Variants in CBLN2 observed in about 807,000 individuals in gnomAD.
CBLN2 encodes the protein cerebellin 2 precursor.
A neutral mutation model predicts 15.0 loss-of-function variants in CBLN2; 7 were observed. The observed-to-expected ratio is 0.47, with a 90% CI of 0.27 to 0.88. CBLN2 has a LOEUF of 0.88. Among genes scored for constraint, CBLN2 ranks in the 40% least tolerant of loss-of-function variants. The pLI, the probability that CBLN2 is intolerant of heterozygous loss-of-function variation, is 0.14. For missense variants in CBLN2, 242 were observed against 304.5 expected (o/e 0.79, Z 1.53); for synonymous variants, 149 against 135.2 (o/e 1.10, Z -0.71).
intron 1 of CBLN2, among the ~76,000 whole-genome samples, chr18:72,617,783 CAT>C (rs1316649257): frequency 6.6e-6 from 1 of 152,062 alleles, no homozygotes; most frequent in Non-Finnish European, 1.5e-5. Context: ...GTTGTGAAAA[CAT>C]ATAATCTGTA....
At chr18:72,615,268 T>TTA (rs1172288214) in intron 1 of CBLN2, among the ~76,000 whole-genome samples, 642 of 42,980 alleles carry the variant, frequency 0.015, 6 homozygotes, top group Non-Finnish European at 0.027. Context: ...TATGTATATA[T>TTA]TATATATATA....
chr18:72,615,782 G>A (rs981395265), intron 1 of CBLN2, among the ~76,000 whole-genome samples: 10 of 152,096 alleles, frequency 6.6e-5, no homozygotes, highest in Admixed American at 3.9e-4. Flanking sequence ...TATAACAAAT[G>A]ATGCACTCTA....
intron 1 of CBLN2, among the ~76,000 whole-genome samples, chr18:72,594,883 T>A (rs1486877617): frequency 1.3e-5 from 2 of 152,122 alleles, no homozygotes; most frequent in East Asian, 3.8e-4. Flanking sequence ...GTCTCCTTTA[T>A]CCATACTGAT....
chr18:72,568,332 T>C (rs189449151), intron 1 of CBLN2, among the ~76,000 whole-genome samples: 4 of 152,316 alleles, frequency 2.6e-5, no homozygotes, highest in East Asian at 1.9e-4. Context: ...TAAGGTTACA[T>C]CCATCGATGT....
intron 1 of CBLN2, among the ~76,000 whole-genome samples, chr18:72,613,836 T>C (rs1242694735): frequency 6.6e-6 from 1 of 152,206 alleles, no homozygotes; most frequent in East Asian, 1.9e-4. Flanking sequence ...AAGTGAAGCA[T>C]CAGATTTATT....
chr18:72,554,642 A>G (rs1436566092), intron 1 of CBLN2, among the ~76,000 whole-genome samples: 3 of 152,116 alleles, frequency 2.0e-5, no homozygotes, highest in Non-Finnish European at 4.4e-5. Context: ...AAAAAAAAAA[A>G]ATTGAATGCC....
At chr18:72,562,211 G>A (rs2069266054) in intron 1 of CBLN2, among the ~76,000 whole-genome samples, 1 of 152,116 alleles carries the variant, frequency 6.6e-6, no homozygotes, top group South Asian at 2.1e-4. Flanking sequence ...CGGGGTGTGA[G>A]GAGCATGAGT....
intron 1 of CBLN2, among the ~76,000 whole-genome samples, chr18:72,553,763 G>C (rs1263313999): frequency 1.3e-5 from 2 of 152,120 alleles, no homozygotes; most frequent in African/African-American, 4.8e-5. Context: ...AGAGGACAGG[G>C]TTAAAGTCCA....
At chr18:72,633,496 T>C (rs2069790700) in intron 1 of CBLN2, among the ~76,000 whole-genome samples, 1 of 152,276 alleles carries the variant, frequency 6.6e-6, no homozygotes, top group South Asian at 2.1e-4. Context: ...AGCTTATTAC[T>C]GTATCTATAA....
intron 1 of CBLN2, among the ~76,000 whole-genome samples, chr18:72,560,629 C>T (rs1456958092): frequency 6.6e-6 from 1 of 152,186 alleles, no homozygotes. Flanking sequence ...AATAGTTACT[C>T]TCTGGTCTTT....
intron 1 of CBLN2, among the ~76,000 whole-genome samples, chr18:72,576,912 ATT>A (rs2069370962): frequency 1.3e-5 from 2 of 148,176 alleles, no homozygotes; most frequent in Non-Finnish European, 3.0e-5. Context: ...GTATATATAC[ATT>A]TATTTTCATT....
At chr18:72,552,731 AAAAAG>A (rs2069199194) in intron 1 of CBLN2, 1 of 152,202 alleles carries the variant, frequency 6.6e-6, no homozygotes, top group African/African-American at 2.4e-5. Flanking sequence ...TTACTGGAGA[AAAAAG>A]AAATAAAGAA....
chr18:72,600,772 C>G (rs2069542715), intron 1 of CBLN2, among the ~76,000 whole-genome samples: 1 of 152,058 alleles, frequency 6.6e-6, no homozygotes, highest in African/African-American at 2.4e-5. Context: ...TAGGGTTTTG[C>G]AAGGATGGTT....
At chr18:72,561,604 G>A (rs532892202) in intron 1 of CBLN2, among the ~76,000 whole-genome samples, 1 of 152,258 alleles carries the variant, frequency 6.6e-6, no homozygotes, top group African/African-American at 2.4e-5. Flanking sequence ...ACTTGCACCA[G>A]GAGTAATTTT....
At position 72,571,190 on chromosome 18, in the gene CBLN2, T is replaced by C. The variant is rs565120379; in HGVS notation, c.16-32418A>G. Among the ~76,000 whole-genome samples, 15 of 152,310 alleles carry C rather than the reference T, an allele frequency of 9.8e-5. No individual in the cohort carries two copies. In the South Asian group the frequency reaches 2.9e-3, roughly 29 times the overall value. ...ATTTCAAGGATGTTGTTTATCTAAA[T>C]TAATACTTACTTTAAAGTCTGCAAT... On this transcript the variant is annotated intron_variant, in intron 1 of 2. Coordinates refer to the CBLN2 transcript ENST00000581073.
intron 3 of CBLN2, 22 bp downstream of exon 3, chr18:72,541,782 G>A: frequency 6.6e-7 from 1 of 1,509,984 alleles, no homozygotes; most frequent in Non-Finnish European, 8.8e-7. Flanking sequence ...CTGGGGGCGG[G>A]GTGGGCAGGC....
At position 72,575,792 on chromosome 18, in the gene CBLN2, C is replaced by A. The variant is rs192161938; in HGVS notation, c.16-37020G>T. Among the ~76,000 whole-genome samples, 240 of 125,784 alleles carry A rather than the reference C, an allele frequency of 1.9e-3. 3 individuals carry two copies. The highest frequency in any genetic ancestry group is 2.5e-3 in the Non-Finnish European group (151 of 59,750). 82.5% of individuals were successfully genotyped at this position (125,784 alleles called of 152,430 possible). A position where few individuals can be genotyped will look rare whatever the true frequency, so the allele number is the denominator to read the frequency against. On this transcript the variant is annotated intron_variant, in intron 1 of 2. Transcript: ENST00000581073. The stretch of plus-strand genomic sequence containing the variant: ...GAAGGAATGAGACAAGGAAAGAGAA[C>A]GGGAGATGTGCGGTGACCTGATTGG...
intron 1 of CBLN2, chr18:72,618,597 C>T (rs1028938233): frequency 1.9e-5 from 18 of 957,812 alleles, no homozygotes; most frequent in Non-Finnish European, 2.8e-5. Flanking sequence ...GTGTTGGTGG[C>T]ATTAAAGAAG....
intron 1 of CBLN2, among the ~76,000 whole-genome samples, chr18:72,607,480 C>T (rs1291420010): frequency 2.6e-5 from 4 of 152,196 alleles, no homozygotes; most frequent in African/African-American, 9.6e-5. Flanking sequence ...TGGCTACCTT[C>T]TTTGTATTCA....
Sources: allele counts gnomAD v4.1 joint callset (sites outside exome capture counted in the v4.1 genomes callset), GRCh38; gene constraint gnomAD v4.1.1; transcripts MANE v1.5; gene names NCBI Gene and HGNC (gene_info 2026-07-23, HGNC 2026-07-21).